NEDD9: variants seen among roughly 807,000 people sequenced by gnomAD.
The protein encoded by NEDD9 is enhancer of filamentation 1.
In NEDD9, 26 loss-of-function variants were observed where a neutral mutation model predicts 76.6. The ratio of observed to expected loss-of-function variants is 0.34; its 90% CI spans 0.25 to 0.47. NEDD9 has a LOEUF of 0.47. NEDD9 is among the 20% of genes least tolerant of loss of function. NEDD9 has a pLI of 1.00. For missense variants in NEDD9, 937 were observed against 1,058.5 expected (o/e 0.89, Z 1.59); for synonymous variants, 392 against 414.2 (o/e 0.95, Z 0.65).
intron 1 of NEDD9, among the ~76,000 whole-genome samples, chr6:11,369,116 T>G (rs1762816258): frequency 6.6e-6 from 1 of 152,208 alleles, no homozygotes; most frequent in Non-Finnish European, 1.5e-5. Flanking sequence ...TGGTTCTCTC[T>G]TAAGCACTCC....
chr6:11,233,312 C>A (rs1421063035), upstream of NEDD9: 1 of 518,928 alleles, frequency 1.9e-6, no homozygotes. Context: ...CTCTAGCACA[C>A]GCACCAGCGT....
chr6:11,283,497 G>A (rs1760579674), intron 3 of NEDD9, among the ~76,000 whole-genome samples: 1 of 152,282 alleles, frequency 6.6e-6, no homozygotes, highest in South Asian at 2.1e-4. Context: ...CTTGGTTACA[G>A]AGGAGGGAAA....
chr6:11,291,275 T>G (rs1277975828), intron 3 of NEDD9, among the ~76,000 whole-genome samples: 18 of 140,216 alleles, frequency 1.3e-4, no homozygotes, highest in Non-Finnish European at 2.0e-4. Flanking sequence ...AGGTTTTTTT[T>G]TTTTTTTTTT....
At chr6:11,355,641 G>A (rs1362836744) in intron 1 of NEDD9, among the ~76,000 whole-genome samples, 1 of 152,044 alleles carries the variant, frequency 6.6e-6, no homozygotes, top group Non-Finnish European at 1.5e-5. Flanking sequence ...CAATGAATGG[G>A]GCGTATGTGG....
chr6:11,302,095 T>G (rs1192437379), intron 3 of NEDD9, among the ~76,000 whole-genome samples: 1 of 150,398 alleles, frequency 6.6e-6, no homozygotes, highest in Non-Finnish European at 1.5e-5. Context: ...TTTAAAAAGA[T>G]CAACAAAATA....
intron 1 of NEDD9, among the ~76,000 whole-genome samples, chr6:11,334,879 C>T (rs894938767): frequency 7.9e-5 from 12 of 152,156 alleles, no homozygotes; most frequent in African/African-American, 2.7e-4. Flanking sequence ...AACAAATGTA[C>T]AGTGCAGTGG....
Position 11,183,539 on chromosome 6 carries a change from TTGTAA to T in NEDD9, c.*1618_*1622del, listed in dbSNP as rs1323992571. On this transcript the variant is annotated 3_prime_UTR_variant, in exon 7 of 7. Coordinates refer to ENST00000379446, the MANE Select transcript of NEDD9 (RefSeq NM_006403.4). The stretch of plus-strand genomic sequence containing the variant: ...ACCCTCTTCCCACATGAACATTTCC[TTGTAA>T]TGTAATGTATGACTTTTAATCTTCT... 2 of 152,266 alleles carry T rather than the reference TTGTAA, an allele frequency of 1.3e-5. No individual in the cohort carries two copies. Among genetic ancestry groups the T allele is most frequent in the Non-Finnish European group, 2.9e-5 (2 of 68,046 alleles). 9.4% of individuals were successfully genotyped at this position (152,266 alleles called of 1,614,324 possible).
At chr6:11,224,685 G>A (rs1440993099) in intron 1 of NEDD9, among the ~76,000 whole-genome samples, 1 of 152,200 alleles carries the variant, frequency 6.6e-6, no homozygotes, top group Non-Finnish European at 1.5e-5. Context: ...CTCAGAAGTA[G>A]CTGGAGTGTC....
chr6:11,275,763 A>C (rs1760403677), intron 3 of NEDD9, among the ~76,000 whole-genome samples: 1 of 152,222 alleles, frequency 6.6e-6, no homozygotes, highest in Non-Finnish European at 1.5e-5. Context: ...ATGCTCGTTC[A>C]GTATAAGCTG....
In NEDD9 at chr6:11,213,334, G is replaced by T; in HGVS notation, c.406C>A (p.Pro136Thr). 6.2e-7 allele frequency: 1 copy of T among 1,614,098 alleles called. No homozygotes were observed. The highest frequency in any genetic ancestry group is 1.3e-5 in the African/African-American group (1 of 75,012). ...TQEQEVYQVP[P>T]SVQRSIGGTS... ...CCCCCAATGCTTCTCTGCACTGATGGTGGCACCTGATATACCTCTTGTTCT... is the reference window on the plus strand; with the variant it reads ...CCCCCAATGCTTCTCTGCACTGATGTTGGCACCTGATATACCTCTTGTTCT... The change falls in exon 2 of 7, where the codon CCA becomes ACA. Residue 136 changes from proline (P) to threonine (T), a missense_variant. Transcript: ENST00000379446. The surrounding 1 kb of genome is among the most constrained non-coding windows in gnomAD (Gnocchi z 5.4).
intron 3 of NEDD9, among the ~76,000 whole-genome samples, chr6:11,297,541 G>A (rs1390379475): frequency 6.6e-6 from 1 of 152,186 alleles, no homozygotes; most frequent in East Asian, 1.9e-4. Context: ...TCAGGTGAGT[G>A]ACCAAGTCTA....
At chr6:11,375,519 C>G (rs916270842) in intron 1 of NEDD9, among the ~76,000 whole-genome samples, 5 of 152,154 alleles carry the variant, frequency 3.3e-5, no homozygotes, top group African/African-American at 1.2e-4. Flanking sequence ...GAAATGTGAT[C>G]CACAGTGTTA....
chr6:11,261,816 AG>A (rs201932779), intron 3 of NEDD9, among the ~76,000 whole-genome samples: 115 of 151,112 alleles, frequency 7.6e-4, no homozygotes, highest in African/African-American at 2.7e-3. Context: ...AACAACTAAA[AG>A]TCTGTGTGCA....
At chr6:11,219,426 A>G (rs1031173377) in intron 1 of NEDD9, among the ~76,000 whole-genome samples, 2 of 152,138 alleles carry the variant, frequency 1.3e-5, no homozygotes, top group African/African-American at 2.4e-5. Flanking sequence ...ACTTCATTCT[A>G]TATTTGTCAT....
rs780678329 is a variant in NEDD9 at position 11,193,582 on chromosome 6, G to T, written c.561+9C>A. 6.2e-7 allele frequency: 1 copy of T among 1,601,538 alleles called. No individual in the cohort carries two copies. Among genetic ancestry groups the T allele is most frequent in the Non-Finnish European group, 8.6e-7 (1 of 1,168,724 alleles). On this transcript the variant is annotated intron_variant, in intron 3 of 6. Coordinates refer to ENST00000379446, the MANE Select transcript of NEDD9 (RefSeq NM_006403.4). ...GCTTCTCCTCTTGTGACCATGTTCT[G>T]GTACGCACCCCTTGAGTGGTATGAG...
At chr6:11,297,915 T>TA (rs1760939403) in intron 3 of NEDD9, among the ~76,000 whole-genome samples, 2 of 150,898 alleles carry the variant, frequency 1.3e-5, no homozygotes, top group South Asian at 4.2e-4. Flanking sequence ...TCTTTTCTTT[T>TA]TTTTTTTTTG....
At chr6:11,288,455 G>T (rs949948938) in intron 3 of NEDD9, among the ~76,000 whole-genome samples, 4 of 152,226 alleles carry the variant, frequency 2.6e-5, no homozygotes, top group African/African-American at 9.7e-5. Flanking sequence ...TCACAAGGTT[G>T]CTTGGTGTCC....
chr6:11,283,061 C>A (rs1326075379), intron 3 of NEDD9, among the ~76,000 whole-genome samples: 1 of 152,202 alleles, frequency 6.6e-6, no homozygotes, highest in Non-Finnish European at 1.5e-5. Context: ...ACCTTATGAC[C>A]TTGGCATTTG....
chr6:11,280,573 T>G (rs142732331), intron 3 of NEDD9, among the ~76,000 whole-genome samples: 2,731 of 152,318 alleles, frequency 0.018, 78 homozygotes, highest in African/African-American at 0.061. Flanking sequence ...TGACCTGCAG[T>G]TATTCCACTG....
Sources: allele counts gnomAD v4.1 joint callset (sites outside exome capture counted in the v4.1 genomes callset), GRCh38; gene constraint gnomAD v4.1.1; non-coding constraint Gnocchi (gnomAD v3.1); transcripts MANE v1.5; gene names NCBI Gene and HGNC (gene_info 2026-07-23, HGNC 2026-07-21).